Variants in AAGAB observed in about 807,000 individuals in gnomAD.
The protein encoded by AAGAB is alpha and gamma adaptin binding protein, also known as alpha- and gamma-adaptin-binding protein p34.
AAGAB carries 38 observed loss-of-function variants against 44.1 expected under a neutral mutation model. The ratio of observed to expected loss-of-function variants is 0.86; its 90% confidence interval spans 0.67 to 1.13. The LOEUF is 1.13. AAGAB is among the 50% of genes most tolerant of loss of function. The pLI is 0.00. For synonymous variants in AAGAB, 131 were observed against 131.8 expected (o/e 0.99, Z 0.04); for missense variants, 450 against 373.8 (o/e 1.20, Z -1.68).
At chr15:67,206,054 A>G (rs1302887923) in intron 7 of AAGAB, among the ~76,000 whole-genome samples, 1 of 152,162 alleles carries the variant, frequency 6.6e-6, no homozygotes, top group Non-Finnish European at 1.5e-5. Flanking sequence ...CGGTTTTTCC[A>G]CTAATATCCT....
intron 7 of AAGAB, among the ~76,000 whole-genome samples, chr15:67,205,943 C>T (rs745553468): frequency 2.6e-5 from 4 of 152,136 alleles, no homozygotes; most frequent in Non-Finnish European, 5.9e-5. Context: ...GCTCTTCACC[C>T]ACTTTCCCCT....
intron 1 of AAGAB, 123 bp downstream of exon 1, chr15:67,254,436 C>A (rs1965013469): frequency 6.9e-7 from 1 of 1,452,370 alleles, no homozygotes; most frequent in Admixed American, 2.7e-5. Context: ...GGCGCCTCCA[C>A]TGACTGGAGG....
chr15:67,215,893 A>G (rs1963933478), intron 5 of AAGAB, among the ~76,000 whole-genome samples: 1 of 152,174 alleles, frequency 6.6e-6, no homozygotes, highest in Admixed American at 6.5e-5. Flanking sequence ...TTTGAAATCC[A>G]TTATTAAAAA....
chr15:67,202,681 A>G lies in AAGAB; in HGVS notation c.*140T>C. 1 of 691,856 alleles carries G rather than the reference A, an allele frequency of 1.4e-6. No homozygotes were observed. The highest frequency in any genetic ancestry group is 2.5e-6 in the Non-Finnish European group (1 of 396,908). 42.9% of individuals were successfully genotyped at this position (691,856 alleles called of 1,614,324 possible). The stretch of plus-strand genomic sequence containing the variant: ...ATTTCTCCTTAACCTCCTACTAAAA[A>G]CTAAAATTAAGGGGACCCTATAAAC... On this transcript the variant is annotated 3_prime_UTR_variant, in exon 10 of 10. Transcript: ENST00000261880.
intron 1 of AAGAB, among the ~76,000 whole-genome samples, chr15:67,240,474 A>AAG (rs1455572484): frequency 6.6e-6 from 1 of 152,208 alleles, no homozygotes; most frequent in Non-Finnish European, 1.5e-5. Context: ...TTTTTAAGAG[A>AAG]CAAACACTAG....
chr15:67,216,076 C>G (rs1263523785), intron 5 of AAGAB, among the ~76,000 whole-genome samples: 4 of 152,018 alleles, frequency 2.6e-5, no homozygotes, highest in Non-Finnish European at 5.9e-5. Context: ...AATAATAATA[C>G]TATTTTTTCT....
At chr15:67,211,224 T>C (rs1216950241) in intron 5 of AAGAB, among the ~76,000 whole-genome samples, 3 of 152,222 alleles carry the variant, frequency 2.0e-5, no homozygotes, top group Non-Finnish European at 4.4e-5. Context: ...CATTAAAGGC[T>C]ACCTTGGTCT....
At chr15:67,216,134 A>G (rs1331660996) in intron 5 of AAGAB, among the ~76,000 whole-genome samples, 1 of 152,092 alleles carries the variant, frequency 6.6e-6, no homozygotes. Flanking sequence ...AATTTGGAAA[A>G]AAGAGAAAAG....
At chr15:67,216,431 GACTC>G (rs1963948371) in intron 5 of AAGAB, among the ~76,000 whole-genome samples, 1 of 95,040 alleles carries the variant, frequency 1.1e-5, no homozygotes, top group Non-Finnish European at 1.8e-5. Context: ...GACAGAGCAA[GACTC>G]ACTCTTGAAA....
intron 1 of AAGAB, among the ~76,000 whole-genome samples, chr15:67,238,393 G>A (rs1364482065): frequency 6.6e-6 from 1 of 152,136 alleles, no homozygotes; most frequent in Admixed American, 6.5e-5. Context: ...GACAATTTCA[G>A]GGGAAATAAA....
intron 4 of AAGAB, 144 bp from the exon 5 acceptor site, chr15:67,232,041 G>C (rs1040729559): frequency 3.5e-6 from 2 of 575,016 alleles, no homozygotes; most frequent in African/African-American, 3.8e-5. Context: ...ATTACCTGAG[G>C]TCGGGAGTTC....
intron 5 of AAGAB, among the ~76,000 whole-genome samples, chr15:67,216,636 A>G (rs1398254085): frequency 6.6e-6 from 1 of 151,638 alleles, no homozygotes; most frequent in East Asian, 1.9e-4. Context: ...GGAAAGCTTT[A>G]TTCTAATTCC....
At position 67,236,015 on chromosome 15, in the gene AAGAB, C is replaced by CCAAT; in HGVS notation, c.411_414dup (p.Val139IlefsTer5). 6.2e-7 allele frequency: 1 copy of CCAAT among 1,613,572 alleles called. No homozygotes were observed. The highest frequency in any genetic ancestry group is 8.5e-7 in the Non-Finnish European group (1 of 1,179,730). ...GGCAACTCCTCTGGACTAAGTTCTA[C>CCAAT]CAATTCAAAGCCATGTTTGATGCAC... On this transcript the variant is annotated frameshift_variant, in exon 4 of 10. Coordinates refer to ENST00000261880, the MANE Select transcript of AAGAB (RefSeq NM_024666.5). LOFTEE classifies it high-confidence loss of function.
At chr15:67,224,381 G>A (rs1201386126) in intron 5 of AAGAB, among the ~76,000 whole-genome samples, 1 of 152,184 alleles carries the variant, frequency 6.6e-6, no homozygotes, top group South Asian at 2.1e-4. Flanking sequence ...TATAAAAGCT[G>A]TATTATTTCT....
At chr15:67,219,040 T>A (rs1964011664) in intron 5 of AAGAB, among the ~76,000 whole-genome samples, 1 of 152,306 alleles carries the variant, frequency 6.6e-6, no homozygotes, top group African/African-American at 2.4e-5. Flanking sequence ...GCGGAAACTG[T>A]GACTTCCCTA....
At chr15:67,247,546 G>T (rs1964756373) in intron 1 of AAGAB, among the ~76,000 whole-genome samples, 1 of 152,120 alleles carries the variant, frequency 6.6e-6, no homozygotes, top group Non-Finnish European at 1.5e-5. Flanking sequence ...TATCATAAGT[G>T]GTTTTGTACA....
intron 5 of AAGAB, among the ~76,000 whole-genome samples, chr15:67,221,715 T>C (rs572057954): frequency 6.6e-6 from 1 of 152,342 alleles, no homozygotes; most frequent in Admixed American, 6.5e-5. Context: ...TGAGAATCAC[T>C]AGATTAAATC....
chr15:67,218,832 A>G (rs1964006778), intron 5 of AAGAB, among the ~76,000 whole-genome samples: 1 of 152,232 alleles, frequency 6.6e-6, no homozygotes, highest in Non-Finnish European at 1.5e-5. Flanking sequence ...GGGTAACTCA[A>G]CTAAGCAGCT....
At chr15:67,239,354 A>G (rs933448948) in intron 1 of AAGAB, among the ~76,000 whole-genome samples, 27 of 152,218 alleles carry the variant, frequency 1.8e-4, no homozygotes, top group African/African-American at 6.3e-4. Context: ...GAACAAAACA[A>G]TGTTTGTTAC....
Sources: gnomAD v4.1 joint callset for allele counts (sites outside exome capture counted in the v4.1 genomes callset) on GRCh38, gnomAD v4.1.1 for gene constraint, MANE v1.5 for transcripts, NCBI Gene and HGNC (gene_info 2026-07-23, HGNC 2026-07-21) for gene names.